ADAMTS7: variants seen among roughly 807,000 people sequenced by gnomAD.
ADAMTS7 encodes A disintegrin and metalloproteinase with thrombospondin motifs 7.
A neutral mutation model predicts 172.6 loss-of-function variants in ADAMTS7; 89 were observed. That is an observed-to-expected ratio of 0.52 (90% confidence interval 0.43 to 0.61). The LOEUF (loss-of-function observed/expected upper bound fraction) is 0.61, where lower values mean the gene tolerates loss of function less well. Ranked by LOEUF, ADAMTS7 falls within the 20% of genes least tolerant of loss-of-function variation. The pLI, the probability that ADAMTS7 is intolerant of heterozygous loss-of-function variation, is 0.00. For synonymous variants in ADAMTS7, 885 were observed against 978.4 expected, an observed-to-expected ratio of 0.90 and a Z score of 1.78; for missense variants, 1,973 against 2,355.6, an observed-to-expected ratio of 0.84 and a Z score of 3.36.
At position 78,763,553 on chromosome 15, in the gene ADAMTS7, G is replaced by A. The variant is rs923499442; in HGVS notation, c.4740+146C>T. The stretch of plus-strand genomic sequence containing the variant: ...GTCTGTTTCTCCCTGGCAGGTGTGA[G>A]CACCAGCCGGGCGGGGCCTCGTCCA... On this transcript the variant is annotated intron_variant, in intron 22 of 23. Coordinates refer to ENST00000388820, the MANE Select transcript of ADAMTS7 (RefSeq NM_014272.5). 7.1e-6 allele frequency: 8 copies of A among 1,120,902 alleles called. No individual in the cohort carries two copies. The African/African-American group carries it at 1.3e-4, about 18-fold the overall frequency. The allele number at this position is 1,120,902 out of a possible 1,614,324, so 69.4% of individuals were successfully genotyped here.
Position 78,777,543 on chromosome 15 carries a change from A to C in ADAMTS7, c.1368T>G (p.Ile456Met), listed in dbSNP as rs369669105. The C allele has an allele frequency of 9.3e-6, 15 of 1,607,668 alleles. No homozygotes were observed. The highest frequency in any genetic ancestry group is 1.3e-5 in the Non-Finnish European group (15 of 1,176,676). The stretch of plus-strand genomic sequence containing the variant: ...CAGGTGGCACCGAGGGGAAGTCGAT[A>C]ATGTCCTTGGCAGGAGGGTCGTCCA... ...LCLDDPPAKD[I>M]IDFPSVPPGV... Residue 456 changes from isoleucine to methionine, a missense_variant, in exon 9 of 24, where the codon ATT (isoleucine) becomes ATG (methionine). Ile to Met is a conservative substitution (Grantham distance 10). Coordinates refer to ENST00000388820, the MANE Select transcript of ADAMTS7 (RefSeq NM_014272.5).
intron 6 of ADAMTS7, 123 bp from the exon 7 acceptor site, chr15:78,789,961 CTG>C (rs2055556898): frequency 1.5e-6 from 2 of 1,374,846 alleles, no homozygotes; most frequent in East Asian, 5.0e-5. Context: ...TCCCACCGTT[CTG>C]TGACATGAGG....
At position 78,767,476 on chromosome 15, in the gene ADAMTS7, G is replaced by A; in HGVS notation, c.2762C>T (p.Pro921Leu). Residue 921 changes from proline (P) to leucine (L), a missense_variant, in exon 18 of 24, where the codon CCA becomes CTA. By Grantham distance (98) the Pro-to-Leu change is moderately conservative. Coordinates refer to ENST00000388820, the MANE Select transcript of ADAMTS7 (RefSeq NM_014272.5). Reference sequence around the variant, plus strand: ...CCGGGGAAGGTGTTCACAGGCGGGTGGCTCCAGGGCGCTCTGCTCATCCAG... The same window carrying A: ...CCGGGGAAGGTGTTCACAGGCGGGTAGCTCCAGGGCGCTCTGCTCATCCAG... ...VGLDEQSALE[P>L]PACEHLPRPP... The A allele has an allele frequency of 6.2e-7, 1 of 1,611,190 alleles. No homozygotes were observed. Among genetic ancestry groups the A allele is most frequent in the Non-Finnish European group, 8.5e-7 (1 of 1,179,666 alleles).
rs748967677 is a variant in ADAMTS7, at chr15:78,763,748, G to A, written c.4691C>T (p.Pro1564Leu). The A allele has an allele frequency of 1.9e-6, 3 of 1,597,026 alleles. No homozygotes were observed. The East Asian group carries it at 6.7e-5, about 36-fold the overall frequency. ...EEALRPNTTR[P>L]CNTHPCTQWV... The stretch of plus-strand genomic sequence containing the variant: ...CTGCGTGCAGGGGTGGGTGTTGCAG[G>A]GCCGGGTGGTGTTGGGTCTCAGCGC... Residue 1564 changes from proline to leucine, a missense_variant, in exon 22 of 24, where the codon CCC becomes CTC. Physicochemically the swap from Pro to Leu is moderately conservative, Grantham distance 98. This residue lies in a region of ADAMTS7 where 218 missense variants were observed against 216.9 expected (regional missense o/e 1.01). Transcript: ENST00000388820.
At chr15:78,769,888 G>A (rs562239129) in intron 16 of ADAMTS7, among the ~76,000 whole-genome samples, 1 of 152,256 alleles carries the variant, frequency 6.6e-6, no homozygotes, top group Non-Finnish European at 1.5e-5. Flanking sequence ...TAGGCCAGGG[G>A]CAGTGGCTCA....
At chr15:78,811,065 TG>T in intron 1 of ADAMTS7, 55 bp downstream of exon 1, 4 of 1,210,574 alleles carry the variant, frequency 3.3e-6, no homozygotes, top group South Asian at 4.2e-5. Flanking sequence ...AAACCGAGAC[TG>T]GGGGAGCGGG....
intron 4 of ADAMTS7, among the ~76,000 whole-genome samples, chr15:78,792,370 G>C (rs947243695): frequency 6.6e-6 from 1 of 152,178 alleles, no homozygotes; most frequent in African/African-American, 2.4e-5. Flanking sequence ...CGTCTGCTCA[G>C]TTGTTGAGGT....
intron 11 of ADAMTS7, among the ~76,000 whole-genome samples, chr15:78,775,634 C>T (rs1351406285): frequency 2.0e-5 from 3 of 152,124 alleles, no homozygotes; most frequent in Non-Finnish European, 4.4e-5. Context: ...CAGTGCTGTC[C>T]CATCCTCCCA....
At chr15:78,806,152 A>AAAAAAAAAAC (rs2055794229) in intron 1 of ADAMTS7, among the ~76,000 whole-genome samples, 1 of 115,032 alleles carries the variant, frequency 8.7e-6, no homozygotes, top group African/African-American at 5.1e-5. Flanking sequence ...AAAAAAAAAA[A>AAAAAAAAAAC]AAACAGAAAA....
chr15:78,775,861 A>G (rs12438645), intron 11 of ADAMTS7, among the ~76,000 whole-genome samples: 44,206 of 152,100 alleles, frequency 0.29, 6,614 homozygotes, highest in South Asian at 0.42. Context: ...ACCCTGAGCC[A>G]TCTAAGGTCC....
intron 11 of ADAMTS7, 121 bp from the exon 12 acceptor site, chr15:78,774,914 G>A (rs1470346089): frequency 1.5e-5 from 19 of 1,254,876 alleles, no homozygotes; most frequent in Middle Eastern, 2.8e-4. Flanking sequence ...GCCCAGCTTT[G>A]TGCACGCTGC....
At position 78,763,806 on chromosome 15, in the gene ADAMTS7, C is replaced by A; in HGVS notation, c.4633G>T (p.Val1545Leu). 6.3e-7 allele frequency: 1 copy of A among 1,582,602 alleles called. No individual in the cohort carries two copies. Among genetic ancestry groups the A allele is most frequent in the Non-Finnish European group, 8.6e-7 (1 of 1,166,790 alleles). The stretch of plus-strand genomic sequence containing the variant: ...CAGAGGCCTGGCTCCGGGCAGGTCA[C>A]TAGACGCTGCTGCTCACCACCGCCA... ...ACGGGEQQRLVTCPEPGLCEE... is the reference protein window; with the variant it reads ...ACGGGEQQRLLTCPEPGLCEE... The change falls in exon 22 of 24, where the codon GTG becomes TTG. Residue 1545 changes from valine to leucine, a missense_variant. By Grantham distance (32) the Val-to-Leu change is conservative. This residue lies in a region of ADAMTS7 where 218 missense variants were observed against 216.9 expected (regional missense o/e 1.01). Coordinates refer to ENST00000388820, the MANE Select transcript of ADAMTS7 (RefSeq NM_014272.5).
At chr15:78,783,602 A>G (rs2055462654) in intron 8 of ADAMTS7, among the ~76,000 whole-genome samples, 1 of 152,234 alleles carries the variant, frequency 6.6e-6, no homozygotes, top group South Asian at 2.1e-4. Flanking sequence ...CATGAAACAA[A>G]TATTTTTTTA....
chr15:78,762,569 A>C lies in ADAMTS7; in HGVS notation c.4741-4T>G. ...CACCACCACAGGGGCCTGAGCACTG[A>C]GGGGAGCGGGGGAGGAATGAGTGTC... On this transcript the variant is annotated splice_region_variant and splice_polypyrimidine_tract_variant and intron_variant, in intron 22 of 23. Transcript: ENST00000388820. The C allele has an allele frequency of 3.4e-6, 5 of 1,485,460 alleles. No individual in the cohort carries two copies. Among genetic ancestry groups the C allele is most frequent in the Non-Finnish European group, 4.5e-6 (5 of 1,113,160 alleles). 92.0% of individuals were successfully genotyped at this position (1,485,460 alleles called of 1,614,324 possible). A position where few individuals can be genotyped will look rare whatever the true frequency, so the allele number is the denominator to read the frequency against.
In ADAMTS7 at chr15:78,774,787, T is replaced by A. The variant is rs746591506; in HGVS notation, c.1713A>T (p.Lys571Asn). Residue 571 changes from lysine to asparagine, a missense_variant, in exon 12 of 24, where the codon AAA becomes AAT. This residue lies in a region of ADAMTS7 where 526 missense variants were observed against 662.9 expected (regional missense o/e 0.79). Transcript: ENST00000388820. ...AERQCTQPTP[K>N]YKGRYCVGER... ...CACCCACACAGTATCTGCCTTTGTATTTGGGCCTGTGGGGAGAACCGGGGT... is the reference window on the plus strand; with the variant it reads ...CACCCACACAGTATCTGCCTTTGTAATTGGGCCTGTGGGGAGAACCGGGGT... 5.0e-6 allele frequency: 8 copies of A among 1,597,880 alleles called. No homozygotes were observed. The Admixed American group carries it at 1.3e-4, about 27-fold the overall frequency.
At chr15:78,775,249 C>T (rs1272581249) in intron 11 of ADAMTS7, among the ~76,000 whole-genome samples, 1 of 152,210 alleles carries the variant, frequency 6.6e-6, no homozygotes, top group African/African-American at 2.4e-5. Flanking sequence ...TGGCAGTACC[C>T]CCAGCCCGGG....
chr15:78,798,220 A>G (rs2055672630), intron 2 of ADAMTS7, 107 bp from the exon 3 acceptor site: 2 of 1,099,662 alleles, frequency 1.8e-6, no homozygotes, highest in African/African-American at 3.3e-5. Context: ...TGCCCACACC[A>G]CCTGTGACTG....
In ADAMTS7 at chr15:78,777,370, G is replaced by A. The variant is rs552937535; in HGVS notation, c.1467+74C>T. 346 of 1,531,864 alleles carry A rather than the reference G, an allele frequency of 2.3e-4. 1 individual carries two copies. The African/African-American group carries it at 3.6e-3, about 16-fold the overall frequency. The allele number at this position is 1,531,864 out of a possible 1,614,324, so 94.9% of individuals were successfully genotyped here. ...AGGTTGCTCCCAGGCTGGCATCCAC[G>A]GGCTGGTGAGAGCTGCCCCCTGAGC... On this transcript the variant is annotated intron_variant, in intron 9 of 23. Coordinates refer to ENST00000388820, the MANE Select transcript of ADAMTS7 (RefSeq NM_014272.5).
intron 11 of ADAMTS7, among the ~76,000 whole-genome samples, chr15:78,775,278 G>A (rs4887104): frequency 1.3e-5 from 2 of 152,000 alleles, no homozygotes; most frequent in African/African-American, 4.8e-5. Flanking sequence ...AAGTGCCTAG[G>A]GCCCCAGCCA....
Sources: gnomAD v4.1 joint callset for allele counts (sites outside exome capture counted in the v4.1 genomes callset) on GRCh38, gnomAD v4.1.1 for gene constraint, gnomAD v4.1.1 regional missense constraint, MANE v1.5 for transcripts, NCBI Gene and HGNC (gene_info 2026-07-23, HGNC 2026-07-21) for gene names.